Variants in FGGY observed in about 807,000 individuals in gnomAD.
The protein encoded by FGGY is FGGY carbohydrate kinase domain containing.
FGGY carries 72 observed loss-of-function variants against 71.3 expected under a neutral mutation model. The ratio of observed to expected loss-of-function variants is 1.01; its 90% CI spans 0.84 to 1.23. The LOEUF is 1.23. FGGY is among the 50% of genes most tolerant of loss of function. The pLI is 0.00. For missense variants in FGGY, 668 were observed against 682.3 expected, an observed-to-expected ratio of 0.98 and a Z score of 0.23; for synonymous variants, 251 against 250.3, an observed-to-expected ratio of 1.00 and a Z score of -0.02.
At chr1:59,489,173 G>A (rs1167018927) in intron 6 of FGGY, among the ~76,000 whole-genome samples, 1 of 151,962 alleles carries the variant, frequency 6.6e-6, no homozygotes, top group African/African-American at 2.4e-5. Flanking sequence ...GTAGTGATCG[G>A]GTCAGTGTAA....
At chr1:59,404,612 T>G (rs2062466032) in intron 5 of FGGY, among the ~76,000 whole-genome samples, 1 of 152,182 alleles carries the variant, frequency 6.6e-6, no homozygotes, top group African/African-American at 2.4e-5. Flanking sequence ...GAGCATGGAT[T>G]GCAGCAGGGG....
intron 6 of FGGY, among the ~76,000 whole-genome samples, chr1:59,488,341 C>G (rs2093717308): frequency 6.6e-6 from 1 of 151,642 alleles, no homozygotes; most frequent in Non-Finnish European, 1.5e-5. Context: ...AATACAAACT[C>G]TTTAAAATAG....
chr1:59,298,162 C>T (rs2042244586), intron 1 of FGGY, among the ~76,000 whole-genome samples: 1 of 151,738 alleles, frequency 6.6e-6, no homozygotes, highest in Non-Finnish European at 1.5e-5. Context: ...GATTTTTTTC[C>T]TTTTTAACTT....
At chr1:59,558,506 G>T (rs893256100) in intron 8 of FGGY, among the ~76,000 whole-genome samples, 3 of 152,140 alleles carry the variant, frequency 2.0e-5, no homozygotes, top group East Asian at 1.9e-4. Flanking sequence ...AGGGGAGGGG[G>T]TGCAAGAACA....
chr1:59,504,104 T>TAAAA (rs141918688), intron 6 of FGGY, among the ~76,000 whole-genome samples: 6,427 of 152,174 alleles, frequency 0.042, 461 homozygotes, highest in African/African-American at 0.15. Flanking sequence ...AAAGCCTCCA[T>TAAAA]AAAAACCCAA....
At chr1:59,347,113 T>C (rs1261745320) in intron 4 of FGGY, among the ~76,000 whole-genome samples, 1 of 152,004 alleles carries the variant, frequency 6.6e-6, no homozygotes, top group South Asian at 2.1e-4. Context: ...TTTATTATTA[T>C]ACTTTAAGTT....
chr1:59,542,587 C>G (rs1419050043), intron 7 of FGGY, among the ~76,000 whole-genome samples: 2 of 148,962 alleles, frequency 1.3e-5, no homozygotes, highest in African/African-American at 4.9e-5. Flanking sequence ...GTCCCGAGTA[C>G]CTGGGATTAC....
intron 5 of FGGY, among the ~76,000 whole-genome samples, chr1:59,391,271 C>T (rs995562046): frequency 6.6e-6 from 1 of 152,044 alleles, no homozygotes; most frequent in Admixed American, 6.6e-5. Flanking sequence ...TCAGGCCAGC[C>T]CAACCTGAGT....
chr1:59,398,213 A>G (rs949140285), intron 5 of FGGY, among the ~76,000 whole-genome samples: 1 of 152,000 alleles, frequency 6.6e-6, no homozygotes, highest in Non-Finnish European at 1.5e-5. Flanking sequence ...ATTTTGTCTA[A>G]TTATTGTTGA....
rs1163968547 is a variant in FGGY, at chr1:59,539,002, AAAAT to A, written c.800-15114_800-15111del. ...CTAAAACTTAAAGTATAATAATAAT[AAAAT>A]AAATAAAAATGTTTAAATAGCATGA... On this transcript the variant is annotated intron_variant, in intron 7 of 15. Coordinates refer to ENST00000303721, the MANE Select transcript of FGGY (RefSeq NM_018291.5). Among the ~76,000 whole-genome samples, 9 of 152,280 alleles carry A rather than the reference AAAAT, an allele frequency of 5.9e-5. No individual in the cohort carries two copies. The South Asian group carries it at 6.2e-4, about 11-fold the overall frequency.
chr1:59,632,507 C>G (rs953477691), intron 10 of FGGY, among the ~76,000 whole-genome samples: 1 of 152,136 alleles, frequency 6.6e-6, no homozygotes, highest in African/African-American at 2.4e-5. Flanking sequence ...TTAAAATTCA[C>G]TAGTCCTCTA....
At chr1:59,324,662 C>T (rs190562343) in intron 2 of FGGY, among the ~76,000 whole-genome samples, 2 of 152,246 alleles carry the variant, frequency 1.3e-5, no homozygotes, top group Non-Finnish European at 2.9e-5. Context: ...CAGTAAGCAG[C>T]CTAAGGTCTC....
At chr1:59,675,021 T>C (rs1271677097) in intron 14 of FGGY, among the ~76,000 whole-genome samples, 1 of 152,220 alleles carries the variant, frequency 6.6e-6, no homozygotes, top group East Asian at 1.9e-4. Flanking sequence ...TCAAGCATGC[T>C]CATTTAGTCC....
intron 8 of FGGY, 81 bp downstream of exon 8, chr1:59,554,308 A>C (rs1571196167): frequency 9.5e-7 from 1 of 1,048,698 alleles, no homozygotes; most frequent in Non-Finnish European, 1.4e-6. Context: ...TGGCTTCTTC[A>C]CCCTTTCACT....
chr1:59,313,311 CAGACCATAACATT>C (rs2044718895), intron 1 of FGGY, among the ~76,000 whole-genome samples: 1 of 152,160 alleles, frequency 6.6e-6, no homozygotes, highest in African/African-American at 2.4e-5. Context: ...CACAAGCATT[CAGACCATAACATT>C]AGACTGTCAG....
In FGGY at chr1:59,667,420, G is replaced by GGA; in HGVS notation, c.1417+22_1417+23dup. On this transcript the variant is annotated intron_variant, in intron 13 of 15. Transcript: ENST00000303721. ...ACATTACTGGTAAGTCTGGGAAAGA[G>GGA]GAGAGAAGGTCACTTTTTGGCTTGG... is the stretch of plus-strand genomic sequence containing the variant. The GGA allele has an allele frequency of 6.2e-7, 1 of 1,612,364 alleles. No individual in the cohort carries two copies. The highest frequency in any genetic ancestry group is 8.5e-7 in the Non-Finnish European group (1 of 1,179,074).
rs372487765 is a variant in FGGY, at chr1:59,389,195, G to A, written c.554+10358G>A. The stretch of plus-strand genomic sequence containing the variant: ...ACTCCTGACCTTGTGATCCGCCCAC[G>A]GCTGAGTGAACAGATAAAAACTTTA... On this transcript the variant is annotated intron_variant, in intron 5 of 15. Coordinates refer to ENST00000303721, the MANE Select transcript of FGGY (RefSeq NM_018291.5). Among the ~76,000 whole-genome samples the A allele has an allele frequency of 2.6e-3, 396 of 152,142 alleles. 3 individuals are homozygous for A. Among genetic ancestry groups the A allele is most frequent in the African/African-American group, 8.8e-3 (366 of 41,524 alleles).
intron 4 of FGGY, among the ~76,000 whole-genome samples, chr1:59,364,294 C>G (rs1451661156): frequency 6.6e-6 from 1 of 152,200 alleles, no homozygotes; most frequent in Non-Finnish European, 1.5e-5. Context: ...TAAAATGAAA[C>G]TTCTCCAAAG....
chr1:59,686,181 C>G (rs547474704), intron 14 of FGGY, among the ~76,000 whole-genome samples: 71 of 152,156 alleles, frequency 4.7e-4, no homozygotes, highest in African/African-American at 1.7e-3. Flanking sequence ...ACCAAGAATA[C>G]CCAGTTTGGT....
Sources: gnomAD v4.1 joint callset for allele counts (sites outside exome capture counted in the v4.1 genomes callset) on GRCh38, gnomAD v4.1.1 for gene constraint, MANE v1.5 for transcripts, NCBI Gene and HGNC (gene_info 2026-07-23, HGNC 2026-07-21) for gene names.